RINT1: variants seen among roughly 807,000 people sequenced by gnomAD.
RINT1 encodes the protein RAD50-interacting protein 1.
In RINT1, 75 loss-of-function variants were observed where a neutral mutation model predicts 97.7. The ratio of observed to expected loss-of-function variants is 0.77; its 90% CI spans 0.64 to 0.93. The LOEUF is 0.93. Among genes scored for constraint, RINT1 ranks in the 40% least tolerant of loss-of-function variants. The pLI is 0.00. For synonymous variants in RINT1, 303 were observed against 326.3 expected (o/e 0.93, Z 0.77); for missense variants, 892 against 925.2 (o/e 0.96, Z 0.47).
At chr7:105,561,815 G>T (rs755687505) in intron 11 of RINT1, among the ~76,000 whole-genome samples, 6 of 152,056 alleles carry the variant, frequency 3.9e-5, no homozygotes, top group Non-Finnish European at 7.4e-5. Context: ...ACCTGCGTCA[G>T]CCTCCCAAAG....
intron 6 of RINT1, 82 bp downstream of exon 6, chr7:105,547,415 A>G (rs1227334838): frequency 2.1e-6 from 3 of 1,425,474 alleles, no homozygotes; most frequent in Non-Finnish European, 2.9e-6. Flanking sequence ...ACTTTTTCAA[A>G]GTGGCCAAGA....
intron 11 of RINT1, among the ~76,000 whole-genome samples, chr7:105,560,869 C>T (rs542719453): frequency 2.0e-5 from 3 of 151,924 alleles, no homozygotes; most frequent in South Asian, 2.1e-4. Context: ...TACAGGTGTG[C>T]GCCACCATGC....
intron 2 of RINT1, among the ~76,000 whole-genome samples, chr7:105,534,275 G>C (rs967559950): frequency 6.6e-6 from 1 of 152,056 alleles, no homozygotes; most frequent in Non-Finnish European, 1.5e-5. Flanking sequence ...CACCATTTTG[G>C]TTAGGCTGGT....
chr7:105,563,032 GTCT>G (rs1396596184), intron 11 of RINT1, among the ~76,000 whole-genome samples: 1 of 152,088 alleles, frequency 6.6e-6, no homozygotes. Flanking sequence ...ATAAAATGTG[GTCT>G]ATCTATATAA....
chr7:105,551,500 A>C, intron 9 of RINT1, 70 bp from the exon 10 acceptor site: 1 of 1,361,206 alleles, frequency 7.3e-7, no homozygotes, highest in Non-Finnish European at 9.9e-7. Context: ...ATTCCTAAAA[A>C]ATTACAAGTT....
chr7:105,532,700 G>C (rs1790082018), intron 1 of RINT1, 124 bp from the exon 2 acceptor site: 1 of 1,042,432 alleles, frequency 9.6e-7, no homozygotes. Flanking sequence ...GGCCCTGGTC[G>C]CTCAGAAAGT....
chr7:105,563,282 C>T (rs932928998), intron 11 of RINT1, among the ~76,000 whole-genome samples: 6 of 152,068 alleles, frequency 3.9e-5, no homozygotes, highest in East Asian at 1.9e-4. Context: ...TAGAGGATAA[C>T]GGCTTTTTTC....
chr7:105,547,070 G>A lies in RINT1; in HGVS notation c.676G>A (p.Asp226Asn), dbSNP rs760189020. The A allele has an allele frequency of 3.7e-6, 6 of 1,613,614 alleles. No individual in the cohort carries two copies. The African/African-American group carries it at 6.7e-5, about 18-fold the overall frequency. ...TVKFWHKILK[D>N]KLTSDFEEIL... ...TAAATTCTGGCATAAAATTCTCAAG[G>A]ACAAGCTTACAAGGTAGGGAATTTA... Residue 226 changes from aspartate (D) to asparagine (N), a missense_variant, in exon 5 of 15, where the codon GAC becomes AAC. Coordinates refer to ENST00000257700, the MANE Select transcript of RINT1 (RefSeq NM_021930.6).
At chr7:105,566,850 T>C in intron 14 of RINT1, 1 of 218,802 alleles carries the variant, frequency 4.6e-6, no homozygotes, top group Non-Finnish European at 8.9e-6. Context: ...ATATTTAATA[T>C]AGTGTTAATA....
At chr7:105,557,922 A>G (rs1299892434) in intron 11 of RINT1, among the ~76,000 whole-genome samples, 1 of 152,196 alleles carries the variant, frequency 6.6e-6, no homozygotes, top group Non-Finnish European at 1.5e-5. Flanking sequence ...AATAACTGAA[A>G]TCCATGTGCA....
rs1418678393 is a variant in RINT1, at chr7:105,532,337, G to A, written c.22G>A (p.Gly8Ser). The change falls in exon 1 of 15, where the codon GGC becomes AGC. Residue 8 changes from glycine (G) to serine (S), a missense_variant. Gly to Ser is a moderately conservative substitution (Grantham distance 56). Transcript: ENST00000257700. ...CGAGATGCTACCAGCCGGCGAGATCGGCGCCTCTCCTGCAGCCCCGGTGAG... is the reference window on the plus strand; with the variant it reads ...CGAGATGCTACCAGCCGGCGAGATCAGCGCCTCTCCTGCAGCCCCGGTGAG... MLPAGEI[G>S]ASPAAPCCSE... is the part of the protein sequence containing the mutation. The A allele has an allele frequency of 6.3e-7, 1 of 1,598,566 alleles. No homozygotes were observed. Among genetic ancestry groups the A allele is most frequent in the Admixed American group, 1.7e-5 (1 of 58,456 alleles).
chr7:105,557,776 G>A (rs1791248210), intron 11 of RINT1, among the ~76,000 whole-genome samples: 1 of 151,704 alleles, frequency 6.6e-6, no homozygotes, highest in South Asian at 2.1e-4. Flanking sequence ...TAAATAGGGG[G>A]CAAAAATAAA....
Position 105,565,392 on chromosome 7 carries a change from T to A in RINT1, c.2002T>A (p.Phe668Ile). The change falls in exon 13 of 15, where the codon TTC becomes ATC. Residue 668 changes from phenylalanine to isoleucine, a missense_variant. Transcript: ENST00000257700. ...HLLQLEQQLCFSLFKIFWQML... is the reference protein window; with the variant it reads ...HLLQLEQQLCISLFKIFWQML... ...ACTTCAGTTGGAGCAGCAGCTTTGTTTCTCCTTATTTAAAATTTTCTGGCA... is the reference window on the plus strand; with the variant it reads ...ACTTCAGTTGGAGCAGCAGCTTTGTATCTCCTTATTTAAAATTTTCTGGCA... The A allele has an allele frequency of 6.2e-7, 1 of 1,614,208 alleles. No individual in the cohort carries two copies. The highest frequency in any genetic ancestry group is 8.5e-7 in the Non-Finnish European group (1 of 1,180,028).
In RINT1 at chr7:105,542,590, T is replaced by A; in HGVS notation, c.456T>A (p.Ile152=). 6.2e-7 allele frequency: 1 copy of A among 1,614,136 alleles called. No homozygotes were observed. Among genetic ancestry groups the A allele is most frequent in the South Asian group, 1.1e-5 (1 of 91,082 alleles). The part of the protein sequence containing the change: ...MDDLGTMISQ[I]EEIERHLAYL... ...ATCTTGGAACCATGATTAGCCAGAT[T>A]GAAGAGATCGAACGTCATCTTGCTT... The change falls in exon 4 of 15, where the codon ATT becomes ATA. Residue 152 remains isoleucine (I), a synonymous_variant. Coordinates refer to ENST00000257700, the MANE Select transcript of RINT1 (RefSeq NM_021930.6).
chr7:105,565,470 A>T lies in RINT1; in HGVS notation c.2067+13A>T. ...CATCTACCAAGAAGTAAGTAAGAATAGACTGTTTTTGGGCTGTGATAATAA... is the reference window on the plus strand; with the variant it reads ...CATCTACCAAGAAGTAAGTAAGAATTGACTGTTTTTGGGCTGTGATAATAA... On this transcript the variant is annotated intron_variant, in intron 13 of 14. Coordinates refer to ENST00000257700, the MANE Select transcript of RINT1 (RefSeq NM_021930.6). 2 of 1,612,438 alleles carry T rather than the reference A, an allele frequency of 1.2e-6. No individual in the cohort carries two copies. Among genetic ancestry groups the T allele is most frequent in the African/African-American group, 1.3e-5 (1 of 74,930 alleles).
chr7:105,535,026 A>C (rs902979469), intron 2 of RINT1, among the ~76,000 whole-genome samples: 4 of 152,300 alleles, frequency 2.6e-5, no homozygotes, highest in African/African-American at 9.6e-5. Flanking sequence ...AATATTAATA[A>C]GCCTAATGTG....
intron 3 of RINT1, among the ~76,000 whole-genome samples, chr7:105,541,070 C>T (rs1409810513): frequency 1.3e-5 from 2 of 150,808 alleles, no homozygotes; most frequent in Non-Finnish European, 3.0e-5. Context: ...GAACTCCTGA[C>T]CTTGTGATCC....
rs1790247174 is a variant in RINT1 at position 105,536,629 on chromosome 7, T to G, written c.153T>G (p.Asp51Glu). The G allele has an allele frequency of 6.2e-7, 1 of 1,611,968 alleles. No homozygotes were observed. Among genetic ancestry groups the G allele is most frequent in the Admixed American group, 1.7e-5 (1 of 59,752 alleles). ...TCAGTGAAGGTACAGATAATGGTGA[T>G]CTCCCTTCTTATGTGTCTGCATTCA... is the stretch of plus-strand genomic sequence containing the variant. The part of the protein sequence containing the change: ...KQVSEGTDNG[D>E]LPSYVSAFIE... The change falls in exon 3 of 15, where the codon GAT becomes GAG. Residue 51 changes from aspartate to glutamate, a missense_variant. Coordinates refer to ENST00000257700, the MANE Select transcript of RINT1 (RefSeq NM_021930.6).
At chr7:105,563,400 G>A (rs969998140) in intron 11 of RINT1, among the ~76,000 whole-genome samples, 6 of 151,972 alleles carry the variant, frequency 3.9e-5, no homozygotes, top group South Asian at 2.1e-4. Context: ...TCACTTTGTC[G>A]CCCAGGCTGG....
Sources: allele counts gnomAD v4.1 joint callset (sites outside exome capture counted in the v4.1 genomes callset), GRCh38; gene constraint gnomAD v4.1.1; transcripts MANE v1.5; gene names NCBI Gene and HGNC (gene_info 2026-07-23, HGNC 2026-07-21).